The following SHCBP1L variants were observed in gnomAD, a reference collection of about 807,000 sequenced individuals.
The protein encoded by SHCBP1L is SHC binding and spindle associated 1 like, also known as testicular spindle-associated protein SHCBP1L.
SHCBP1L carries 67 observed loss-of-function variants against 62.5 expected under a neutral mutation model. The ratio of observed to expected loss-of-function variants is 1.07; its 90% CI spans 0.88 to 1.31. SHCBP1L has a LOEUF of 1.31. Among genes scored for constraint, SHCBP1L ranks in the 40% most tolerant of loss-of-function variants. SHCBP1L has a pLI of 0.00. For missense variants in SHCBP1L, 823 were observed against 809.8 expected, an observed-to-expected ratio of 1.02 and a Z score of -0.20; for synonymous variants, 284 against 289.4, an observed-to-expected ratio of 0.98 and a Z score of 0.19.
chr1:182,904,263 T>A lies in SHCBP1L; in HGVS notation c.1504A>T (p.Ile502Leu). ...ACTCCTGTTCCTTCACATTTTAATA[T>A]GCAGTTTTCTAGAGTCATGTGACCA... ...ESGHMTLENC[I>L]LKCEGTGVCV... The change falls in exon 8 of 10, where the codon ATA becomes TTA. Residue 502 changes from isoleucine to leucine, a missense_variant. Ile to Leu is a conservative substitution (Grantham distance 5, BLOSUM62 2). Coordinates refer to ENST00000367547, the MANE Select transcript of SHCBP1L (RefSeq NM_030933.4). 6.2e-7 allele frequency: 1 copy of A among 1,614,178 alleles called. No homozygotes were observed. Among genetic ancestry groups the A allele is most frequent in the Non-Finnish European group, 8.5e-7 (1 of 1,180,024 alleles).
At chr1:182,909,274 G>C (rs955641378) in intron 6 of SHCBP1L, among the ~76,000 whole-genome samples, 19 of 152,180 alleles carry the variant, frequency 1.2e-4, no homozygotes, top group African/African-American at 4.6e-4. Flanking sequence ...ATGGATATAA[G>C]GGTCTAGAAT....
In SHCBP1L at chr1:182,924,709, A is replaced by AAAGGAAAGGAAGGG. The variant is rs1557996596; in HGVS notation, c.1182+4937_1182+4938insCCCTTCCTTTCCTT. 7.4e-4 allele frequency among the ~76,000 whole-genome samples: 32 copies of AAAGGAAAGGAAGGG among 43,402 alleles called. 1 individual carries two copies. Among genetic ancestry groups the AAAGGAAAGGAAGGG allele is most frequent in the African/African-American group, 3.1e-3 (19 of 6,180 alleles). 28.5% of individuals were successfully genotyped at this position (43,402 alleles called of 152,430 possible). A position where few individuals can be genotyped will look rare whatever the true frequency, so the allele number is the denominator to read the frequency against. Reference sequence around the variant, plus strand: ...AGGAAAGGAAAGGAAAGGAAGAAAGAAAGAAAGAAAGAAAGAAAGAAAGAA... The same window carrying AAAGGAAAGGAAGGG: ...AGGAAAGGAAAGGAAAGGAAGAAAGAAAGGAAAGGAAGGGAAGAAAGAAAGAAAGAAAGAAAGAA... On this transcript the variant is annotated intron_variant, in intron 6 of 9. Transcript: ENST00000367547.
At chr1:182,926,190 C>T (rs1463899382) in intron 6 of SHCBP1L, among the ~76,000 whole-genome samples, 1 of 151,938 alleles carries the variant, frequency 6.6e-6, no homozygotes, top group East Asian at 1.9e-4. Context: ...GTAAATTTCA[C>T]CTCAAGTTTT....
chr1:182,952,262 T>TTATATA (rs1381868975), intron 1 of SHCBP1L, among the ~76,000 whole-genome samples: 3 of 88,928 alleles, frequency 3.4e-5, no homozygotes, highest in Admixed American at 2.6e-4. Context: ...ACACACACAT[T>TTATATA]TATATATATA....
chr1:182,926,147 T>C (rs530346535), intron 6 of SHCBP1L, among the ~76,000 whole-genome samples: 1 of 152,204 alleles, frequency 6.6e-6, no homozygotes, highest in South Asian at 2.1e-4. Context: ...TAAATGTCAA[T>C]GAATATCACT....
At chr1:182,931,513 A>T (rs1650994638) in intron 5 of SHCBP1L, among the ~76,000 whole-genome samples, 1 of 152,198 alleles carries the variant, frequency 6.6e-6, no homozygotes, top group Non-Finnish European at 1.5e-5. Context: ...TCATACTGGT[A>T]AGTTTCCTCA....
At chr1:182,950,441 C>A (rs1003247769) in intron 2 of SHCBP1L, 1 of 152,042 alleles carries the variant, frequency 6.6e-6, no homozygotes, top group Non-Finnish European at 1.5e-5. Context: ...GTCTGGCCAA[C>A]ATGGTGAAAC....
intron 6 of SHCBP1L, among the ~76,000 whole-genome samples, chr1:182,920,009 A>G (rs1650479765): frequency 1.3e-5 from 2 of 152,012 alleles, no homozygotes; most frequent in East Asian, 1.9e-4. Context: ...CACCACTAGC[A>G]CTAATGCATA....
At chr1:182,911,519 G>A (rs1359451853) in intron 6 of SHCBP1L, among the ~76,000 whole-genome samples, 2 of 152,104 alleles carry the variant, frequency 1.3e-5, no homozygotes, top group Non-Finnish European at 2.9e-5. Context: ...AACTATCCCT[G>A]AGGAAGCCCA....
At chr1:182,946,505 G>A (rs528978912) in intron 2 of SHCBP1L, among the ~76,000 whole-genome samples, 2 of 152,118 alleles carry the variant, frequency 1.3e-5, no homozygotes, top group African/African-American at 4.8e-5. Flanking sequence ...AGAGTTGGAA[G>A]GTAGAAGATA....
intron 6 of SHCBP1L, among the ~76,000 whole-genome samples, chr1:182,916,091 C>G (rs1051574735): frequency 6.6e-6 from 1 of 152,106 alleles, no homozygotes; most frequent in African/African-American, 2.4e-5. Flanking sequence ...CAGGCGTGAG[C>G]CACTGCGCCC....
rs1337703904 is a variant in SHCBP1L, at chr1:182,939,506, C to G, written c.818G>C (p.Cys273Ser). 1 of 1,608,756 alleles carries G rather than the reference C, an allele frequency of 6.2e-7. No individual in the cohort carries two copies. The highest frequency in any genetic ancestry group is 8.5e-7 in the Non-Finnish European group (1 of 1,177,744). The change falls in exon 4 of 10, where the codon TGT (cysteine) becomes TCT (serine). Residue 273 changes from cysteine to serine, a missense_variant. Physicochemically the swap from Cys to Ser is moderately radical, Grantham distance 112. Coordinates refer to ENST00000367547, the MANE Select transcript of SHCBP1L (RefSeq NM_030933.4). Reference sequence around the variant, plus strand: ...TTCAATAAGTGCAGTATAATTCTCACAACTTTCTTCATCATCCCAGTCTCT... The same window carrying G: ...TTCAATAAGTGCAGTATAATTCTCAGAACTTTCTTCATCATCCCAGTCTCT... ...LWRDWDDEESCENYTALIEER... is the reference protein window; with the variant it reads ...LWRDWDDEESSENYTALIEER...
intron 3 of SHCBP1L, 50 bp from the exon 4 acceptor site, chr1:182,939,603 A>AT: frequency 7.7e-7 from 1 of 1,302,074 alleles, no homozygotes; most frequent in South Asian, 1.3e-5. Context: ...GCCACTACTG[A>AT]TTTAGAGCTA....
chr1:182,951,376 C>T lies in SHCBP1L; in HGVS notation c.497G>A (p.Ser166Asn). The T allele has an allele frequency of 6.2e-7, 1 of 1,609,474 alleles. No individual in the cohort carries two copies. Among genetic ancestry groups the T allele is most frequent in the Non-Finnish European group, 8.5e-7 (1 of 1,177,498 alleles). Residue 166 changes from serine to asparagine, a missense_variant, in exon 2 of 10, where the codon AGT (serine) becomes AAT (asparagine). Ser to Asn is a conservative substitution (Grantham distance 46). Transcript: ENST00000367547. ...TTCTTCATATTTCACAAAGAATACA[C>T]TGGGATTAGTCTTCCAGACTCCAAG... ...KWLGVWKTNP[S>N]VFFVKYEEAS...
chr1:182,917,241 A>G (rs181315187), intron 6 of SHCBP1L, among the ~76,000 whole-genome samples: 24 of 152,350 alleles, frequency 1.6e-4, no homozygotes, highest in Non-Finnish European at 3.2e-4. Context: ...ACTGAACTCA[A>G]CAACATATTT....
chr1:182,949,279 TA>T (rs67081523), intron 2 of SHCBP1L, among the ~76,000 whole-genome samples: 365 of 139,328 alleles, frequency 2.6e-3, no homozygotes, highest in Non-Finnish European at 3.0e-3. Context: ...AAACTTATAC[TA>T]AAAAAAAAAA....
chr1:182,927,129 T>G (rs1650789057), intron 6 of SHCBP1L, among the ~76,000 whole-genome samples: 1 of 135,080 alleles, frequency 7.4e-6, no homozygotes, highest in African/African-American at 2.8e-5. Flanking sequence ...CTCTCTCTCC[T>G]TTTAAAGCAT....
intron 2 of SHCBP1L, among the ~76,000 whole-genome samples, chr1:182,949,424 A>T (rs1055978922): frequency 6.6e-6 from 1 of 152,162 alleles, no homozygotes; most frequent in Non-Finnish European, 1.5e-5. Flanking sequence ...CTGGCTGGGC[A>T]TGGTGGCTCT....
intron 2 of SHCBP1L, among the ~76,000 whole-genome samples, chr1:182,946,198 T>A (rs1490575321): frequency 6.6e-6 from 1 of 152,158 alleles, no homozygotes; most frequent in Non-Finnish European, 1.5e-5. Flanking sequence ...TTTCATTATG[T>A]GTTGGACACT....
Sources: gnomAD v4.1 joint callset for allele counts (sites outside exome capture counted in the v4.1 genomes callset) on GRCh38, gnomAD v4.1.1 for gene constraint, MANE v1.5 for transcripts, NCBI Gene and HGNC (gene_info 2026-07-23, HGNC 2026-07-21) for gene names.